PARD3B: variants seen among roughly 807,000 people sequenced by gnomAD.
PARD3B encodes partitioning defective 3 homolog B.
In PARD3B, 103 loss-of-function variants were observed where a neutral mutation model predicts 130.2. The observed-to-expected ratio is 0.79, with a 90% CI of 0.67 to 0.93. PARD3B has a LOEUF of 0.93. Among genes scored for constraint, PARD3B ranks in the 40% least tolerant of loss-of-function variants. The pLI is 0.00. For synonymous variants in PARD3B, 583 were observed against 553.2 expected, an observed-to-expected ratio of 1.05 and a Z score of -0.76; for missense variants, 1,609 against 1,499.2, an observed-to-expected ratio of 1.07 and a Z score of -1.21.
intron 2 of PARD3B, among the ~76,000 whole-genome samples, chr2:204,917,940 T>G (rs575030405): frequency 1.3e-5 from 2 of 152,114 alleles, no homozygotes; most frequent in African/African-American, 4.8e-5. Flanking sequence ...ATTTGCAGTT[T>G]GGAATAGTGA....
At chr2:205,319,269 C>T (rs1239639933) in intron 18 of PARD3B, among the ~76,000 whole-genome samples, 4 of 152,118 alleles carry the variant, frequency 2.6e-5, no homozygotes, top group South Asian at 2.1e-4. Context: ...CTCTGGAATC[C>T]GCTCCCGTAG....
chr2:205,338,365 C>T (rs1003795291), intron 18 of PARD3B, among the ~76,000 whole-genome samples: 1 of 152,038 alleles, frequency 6.6e-6, no homozygotes, highest in African/African-American at 2.4e-5. Context: ...CATCTGTTCC[C>T]ATTCTTTAAT....
chr2:205,615,419 A>G, intron 22 of PARD3B, 37 bp from the exon 23 acceptor site: 2 of 1,527,136 alleles, frequency 1.3e-6, no homozygotes, highest in African/African-American at 2.8e-5. Flanking sequence ...CGGCCAGCTT[A>G]GGAGCTGCTA....
Position 205,564,438 on chromosome 2 carries a change from G to A in PARD3B, c.3260+11035G>A, listed in dbSNP as rs1308330023. On this transcript the variant is annotated intron_variant, in intron 22 of 22. Coordinates refer to ENST00000406610, the MANE Select transcript of PARD3B (RefSeq NM_001302769.2). The surrounding 1 kb of genome is among the most constrained non-coding windows in gnomAD (Gnocchi z 4.6). The stretch of plus-strand genomic sequence containing the variant: ...TTCCAGCCAAAATATTTTAAATGGT[G>A]CTTTTTTGCTTAAAGACTGCCTCTG... Among the ~76,000 whole-genome samples, 1 of 152,170 alleles carries A rather than the reference G, an allele frequency of 6.6e-6. No individual in the cohort carries two copies. Among genetic ancestry groups the A allele is most frequent in the Non-Finnish European group, 1.5e-5 (1 of 68,028 alleles).
intron 3 of PARD3B, among the ~76,000 whole-genome samples, chr2:204,991,786 G>A (rs374136202): frequency 4.6e-5 from 7 of 151,824 alleles, no homozygotes; most frequent in South Asian, 2.1e-4. Context: ...GTGTGAGATG[G>A]TATCTCATAG....
intron 1 of PARD3B, among the ~76,000 whole-genome samples, chr2:204,562,825 A>AT (rs1333185379): frequency 2.0e-5 from 3 of 151,284 alleles, no homozygotes; most frequent in Non-Finnish European, 4.4e-5. Flanking sequence ...ATTTCTAATA[A>AT]AAAAAATTTT....
intron 15 of PARD3B, among the ~76,000 whole-genome samples, chr2:205,221,375 C>T (rs1445265361): frequency 2.0e-5 from 3 of 152,172 alleles, no homozygotes; most frequent in Non-Finnish European, 4.4e-5. Context: ...TCTGGTTTAA[C>T]GGCAGTTAGT....
intron 16 of PARD3B, among the ~76,000 whole-genome samples, chr2:205,270,522 A>T (rs1452050060): frequency 2.0e-5 from 3 of 151,786 alleles, no homozygotes; most frequent in Non-Finnish European, 2.9e-5. Flanking sequence ...AGCCAAGATC[A>T]TGCCACCACA....
intron 4 of PARD3B, among the ~76,000 whole-genome samples, chr2:205,083,319 G>C (rs1317717061): frequency 2.1e-5 from 3 of 141,326 alleles, no homozygotes; most frequent in Non-Finnish European, 4.6e-5. Context: ...TAGCATAAAA[G>C]TGGTTTTAAG....
At position 205,303,248 on chromosome 2, in the gene PARD3B, A is replaced by T. The variant is rs2042075401; in HGVS notation, c.2630+1547A>T. Among the ~76,000 whole-genome samples the T allele has an allele frequency of 3.3e-5, 5 of 152,174 alleles. No individual in the cohort carries two copies. The South Asian group carries it at 8.3e-4, about 25-fold the overall frequency. ...ATTTCTCAGTCTTTGGAACCAGGAG[A>T]CAAAGACAAGATTCAATAGGATAGG... On this transcript the variant is annotated intron_variant, in intron 18 of 22. Coordinates refer to ENST00000406610, the MANE Select transcript of PARD3B (RefSeq NM_001302769.2).
rs2036401389 is a variant in PARD3B at position 204,673,493 on chromosome 2, A to G, written c.121-12688A>G. 6.6e-6 allele frequency among the ~76,000 whole-genome samples: 1 copy of G among 152,114 alleles called. No homozygotes were observed. The highest frequency in any genetic ancestry group is 2.1e-4 in the South Asian group (1 of 4,820). On this transcript the variant is annotated intron_variant, in intron 1 of 22. Transcript: ENST00000406610. This position sits in a 1 kb window ranked among gnomAD's most constrained non-coding sequence, Gnocchi z 4.7. ...CGAACTAGTTTTCCCACTCTCATAT[A>G]AGGGTTGCTTTTCTGAGCTTTGACT... is the stretch of plus-strand genomic sequence containing the variant.
rs2053702281 is a variant in PARD3B at position 205,575,084 on chromosome 2, G to GACAGAC, written c.3260+21684_3260+21685insGACACA. Among the ~76,000 whole-genome samples the GACAGAC allele has an allele frequency of 1.6e-5, 2 of 128,520 alleles. No homozygotes were observed. The highest frequency in any genetic ancestry group is 5.3e-5 in the African/African-American group (2 of 37,704). The allele number at this position is 128,520 out of a possible 152,430, so 84.3% of individuals were successfully genotyped here. ...AATACATTATATACACATTTAAATA[G>GACAGAC]ACACACACACACACACACACACACA... On this transcript the variant is annotated intron_variant, in intron 22 of 22. Coordinates refer to ENST00000406610, the MANE Select transcript of PARD3B (RefSeq NM_001302769.2). This position sits in a 1 kb window ranked among gnomAD's most constrained non-coding sequence, Gnocchi z 4.6.
At chr2:205,151,505 A>C (rs748200714) in intron 10 of PARD3B, among the ~76,000 whole-genome samples, 2 of 152,144 alleles carry the variant, frequency 1.3e-5, no homozygotes, top group Non-Finnish European at 2.9e-5. Flanking sequence ...TGATCCCTTT[A>C]CCATTATGTA....
At chr2:205,607,255 A>C (rs1288053223) in intron 22 of PARD3B, among the ~76,000 whole-genome samples, 1 of 151,960 alleles carries the variant, frequency 6.6e-6, no homozygotes, top group Admixed American at 6.5e-5. Flanking sequence ...AAAAAAAAGA[A>C]GTCTCTTTTT....
intron 20 of PARD3B, among the ~76,000 whole-genome samples, chr2:205,442,602 G>A (rs2047758941): frequency 6.6e-6 from 1 of 152,140 alleles, no homozygotes; most frequent in African/African-American, 2.4e-5. Context: ...GGCCTGGGAA[G>A]AACGGGTTTT....
At chr2:205,223,118 G>A (rs756973700) in intron 15 of PARD3B, among the ~76,000 whole-genome samples, 45 of 152,114 alleles carry the variant, frequency 3.0e-4, no homozygotes, top group Non-Finnish European at 5.6e-4. Flanking sequence ...CTAAACATGT[G>A]AGATCAGCGG....
At chr2:205,299,364 T>G (rs530738058) in intron 16 of PARD3B, among the ~76,000 whole-genome samples, 1 of 152,256 alleles carries the variant, frequency 6.6e-6, no homozygotes, top group East Asian at 1.9e-4. Context: ...TACATAATTC[T>G]TAATAGGTAC....
chr2:205,220,144 C>G (rs2038161012), intron 15 of PARD3B, among the ~76,000 whole-genome samples: 1 of 152,166 alleles, frequency 6.6e-6, no homozygotes, highest in Non-Finnish European at 1.5e-5. Flanking sequence ...ACGCTGCAGC[C>G]TGGGTGATCA....
chr2:204,997,003 C>T (rs2125261678), intron 3 of PARD3B, among the ~76,000 whole-genome samples: 1 of 152,198 alleles, frequency 6.6e-6, no homozygotes, highest in African/African-American at 2.4e-5. Flanking sequence ...TGAGATGAAC[C>T]CGGTACCTCA....
Sources: allele counts gnomAD v4.1 joint callset (sites outside exome capture counted in the v4.1 genomes callset), GRCh38; gene constraint gnomAD v4.1.1; non-coding constraint Gnocchi (gnomAD v3.1); transcripts MANE v1.5; gene names NCBI Gene and HGNC (gene_info 2026-07-23, HGNC 2026-07-21).